The following AKIP1 variants were observed in gnomAD, a reference collection of about 807,000 sequenced individuals.
AKIP1 encodes the protein A-kinase-interacting protein 1.
AKIP1 carries 18 observed loss-of-function variants against 22.3 expected under a neutral mutation model. The observed-to-expected ratio is 0.81, with a 90% CI of 0.56 to 1.19. The LOEUF (loss-of-function observed/expected upper bound fraction) is 1.19. AKIP1 is among the 50% of genes most tolerant of loss of function. AKIP1 has a pLI of 0.00. For missense variants in AKIP1, 287 were observed against 264.6 expected (o/e 1.08, Z -0.59); for synonymous variants, 120 against 102.7 (o/e 1.17, Z -1.02).
At position 8,911,537 on chromosome 11, in the gene AKIP1, G is replaced by A; in HGVS notation, c.88G>A (p.Glu30Lys). The A allele has an allele frequency of 6.2e-7, 1 of 1,610,910 alleles. No individual in the cohort carries two copies. Among genetic ancestry groups the A allele is most frequent in the African/African-American group, 1.3e-5 (1 of 75,046 alleles). ...AGCAAGGCTGGCTCTAGAAGTGCTG[G>A]AGAGGGCCAAGAGGAGGGCGGTGGA... is the stretch of plus-strand genomic sequence containing the variant. ...RSARLALEVL[E>K]RAKRRAVDWH... The change falls in exon 2 of 6, where the codon GAG becomes AAG. Residue 30 changes from glutamate (E) to lysine (K), a missense_variant. By Grantham distance (56) the Glu-to-Lys change is moderately conservative. Coordinates refer to ENST00000309377, the MANE Select transcript of AKIP1 (RefSeq NM_020642.4).
intron 4 of AKIP1, among the ~76,000 whole-genome samples, chr11:8,915,345 G>A (rs1192269718): frequency 1.1e-5 from 1 of 91,902 alleles, no homozygotes; most frequent in Non-Finnish European, 2.4e-5. Context: ...TCTAGGGATA[G>A]GATTTTTTTT....
At chr11:8,915,358 CTTTTT>C (rs559350653) in intron 4 of AKIP1, among the ~76,000 whole-genome samples, 1 of 83,982 alleles carries the variant, frequency 1.2e-5, no homozygotes, top group African/African-American at 4.5e-5. Context: ...TTTTTTTTTT[CTTTTT>C]TTTTTTTTTT....
At chr11:8,911,729 G>A in intron 2 of AKIP1, 58 bp downstream of exon 2, 1 of 1,439,050 alleles carries the variant, frequency 6.9e-7, no homozygotes, top group Non-Finnish European at 9.2e-7. Flanking sequence ...AGCCCGCTGG[G>A]AGCCAGGGGT....
rs1208129294 is a variant in AKIP1, at chr11:8,919,355, G to A, written c.508G>A (p.Asp170Asn). ...CTTCTAGGCTGAGAACATCTCTAAG[G>A]ACCTCTACATAGAAGTATATCCAGG... ...ASQPAENISK[D>N]LYIEVYPGTY... is the part of the protein sequence containing the mutation. The change falls in exon 6 of 6, where the codon GAC becomes AAC. Residue 170 changes from aspartate to asparagine, a missense_variant. Physicochemically the swap from Asp to Asn is conservative, Grantham distance 23. Transcript: ENST00000309377. 1.9e-6 allele frequency: 3 copies of A among 1,613,656 alleles called. No individual in the cohort carries two copies. The highest frequency in any genetic ancestry group is 1.7e-5 in the Admixed American group (1 of 59,896).
chr11:8,911,397 G>A (rs1252020968), intron 1 of AKIP1, 47 bp from the exon 2 acceptor site: 2 of 1,498,082 alleles, frequency 1.3e-6, no homozygotes, highest in Admixed American at 2.1e-5. Flanking sequence ...CAGGGTCGCC[G>A]CGGCCCAGCT....
chr11:8,919,065 T>C lies in AKIP1; in HGVS notation c.490-272T>C, dbSNP rs148234199. ...AAGTAGAGTGTTCTTTTTATAATCCTTCATGTTCATATAACACTTTAGCAT... is the reference window on the plus strand; with the variant it reads ...AAGTAGAGTGTTCTTTTTATAATCCCTCATGTTCATATAACACTTTAGCAT... On this transcript the variant is annotated intron_variant, in intron 5 of 5. Coordinates refer to ENST00000309377, the MANE Select transcript of AKIP1 (RefSeq NM_020642.4). Among the ~76,000 whole-genome samples the C allele has an allele frequency of 2.2e-3, 335 of 152,346 alleles. 1 individual carries two copies. Among genetic ancestry groups the C allele is most frequent in the African/African-American group, 7.6e-3 (317 of 41,572 alleles).
In AKIP1 at chr11:8,913,421, C is replaced by T. The variant is rs554360877; in HGVS notation, c.303+888C>T. 5.9e-5 allele frequency among the ~76,000 whole-genome samples: 9 copies of T among 152,176 alleles called. 1 individual carries two copies. Among genetic ancestry groups the T allele is most frequent in the African/African-American group, 1.9e-4 (8 of 41,524 alleles). ...CAGGCTGCTCTGGAACGCCTGACCT[C>T]GAGGGATCCGCGCATCTTGGCCTCC... On this transcript the variant is annotated intron_variant, in intron 3 of 5. Transcript: ENST00000309377.
intron 5 of AKIP1, 62 bp downstream of exon 5, chr11:8,917,429 A>T: frequency 1.6e-6 from 2 of 1,273,158 alleles, no homozygotes; most frequent in Non-Finnish European, 2.3e-6. Flanking sequence ...GAACCAGTTG[A>T]CATGGTTCTT....
intron 4 of AKIP1, among the ~76,000 whole-genome samples, chr11:8,916,110 G>A (rs2064482128): frequency 6.6e-6 from 1 of 151,802 alleles, no homozygotes; most frequent in Non-Finnish European, 1.5e-5. Flanking sequence ...GTAACCCACC[G>A]CGCCTGACCC....
intron 3 of AKIP1, among the ~76,000 whole-genome samples, chr11:8,913,091 G>C (rs142338965): frequency 5.4e-5 from 8 of 147,324 alleles, no homozygotes; most frequent in African/African-American, 5.2e-5. Flanking sequence ...GTGTTACCCA[G>C]GATGGTCTCC....
intron 4 of AKIP1, among the ~76,000 whole-genome samples, chr11:8,915,355 TTTC>T (rs753530769): frequency 1.1e-4 from 13 of 122,386 alleles, no homozygotes; most frequent in East Asian, 2.5e-4. Context: ...GGATTTTTTT[TTTC>T]TTTTTTTTTT....
At chr11:8,916,699 G>A (rs1326130760) in intron 4 of AKIP1, among the ~76,000 whole-genome samples, 2 of 152,186 alleles carry the variant, frequency 1.3e-5, no homozygotes, top group East Asian at 3.9e-4. Context: ...GGCCTGGGAG[G>A]TGAGTAGTGG....
At position 8,911,473 on chromosome 11, in the gene AKIP1, A is replaced by G. The variant is rs1266059656; in HGVS notation, c.24A>G (p.Ala8=). The change falls in exon 2 of 6, where the codon GCA becomes GCG. Residue 8 remains alanine (A), a synonymous_variant. Transcript: ENST00000309377. MDNCLAA[A]ALNGVDRRSL... is the part of the protein sequence containing the mutation. Reference sequence around the variant, plus strand: ...CCATGGACAACTGTTTGGCGGCCGCAGCGCTGAATGGGGTGGACCGACGTT... The same window carrying G: ...CCATGGACAACTGTTTGGCGGCCGCGGCGCTGAATGGGGTGGACCGACGTT... 1 of 1,602,878 alleles carries G rather than the reference A, an allele frequency of 6.2e-7. No individual in the cohort carries two copies. The highest frequency in any genetic ancestry group is 8.5e-7 in the Non-Finnish European group (1 of 1,175,180).
Position 8,919,591 on chromosome 11 carries a change from C to A in AKIP1, c.*111C>A. 7.9e-7 allele frequency: 1 copy of A among 1,260,268 alleles called. No homozygotes were observed. The highest frequency in any genetic ancestry group is 1.1e-6 in the Non-Finnish European group (1 of 904,896). The allele number at this position is 1,260,268 out of a possible 1,614,324, so 78.1% of individuals were successfully genotyped here. On this transcript the variant is annotated 3_prime_UTR_variant, in exon 6 of 6. Coordinates refer to ENST00000309377, the MANE Select transcript of AKIP1 (RefSeq NM_020642.4). ...ATCCTGTTTTTAGTGCTGACTGGGT[C>A]AGCCTTCCGGGAACTGGAGTCTGTC...
Position 8,919,506 on chromosome 11 carries a change from AC to A in AKIP1, c.*28del. ...TGTTGACCATCACTGCCATCACATC[AC>A]CTTTTTTTAAGTAGTAAGAATAAAG... On this transcript the variant is annotated 3_prime_UTR_variant, in exon 6 of 6. Coordinates refer to ENST00000309377, the MANE Select transcript of AKIP1 (RefSeq NM_020642.4). 1 of 1,608,128 alleles carries A rather than the reference AC, an allele frequency of 6.2e-7. No individual in the cohort carries two copies. The highest frequency in any genetic ancestry group is 8.5e-7 in the Non-Finnish European group (1 of 1,177,858).
At position 8,914,947 on chromosome 11, in the gene AKIP1, G is replaced by A. The variant is rs1244405974; in HGVS notation, c.408+17G>A. 5.0e-5 allele frequency: 80 copies of A among 1,586,322 alleles called. No individual in the cohort carries two copies. Among genetic ancestry groups the A allele is most frequent in the Non-Finnish European group, 6.4e-5 (74 of 1,157,432 alleles). Reference sequence around the variant, plus strand: ...AATGGTCAGGTAAGTGTACTCAACTGTCCTGCACCATGCCTTCAGTCTACC... The same window carrying A: ...AATGGTCAGGTAAGTGTACTCAACTATCCTGCACCATGCCTTCAGTCTACC... On this transcript the variant is annotated intron_variant, in intron 4 of 5. Coordinates refer to ENST00000309377, the MANE Select transcript of AKIP1 (RefSeq NM_020642.4).
chr11:8,917,622 A>G, intron 5 of AKIP1: 2 of 525,306 alleles, frequency 3.8e-6, no homozygotes, highest in Non-Finnish European at 6.8e-6. Context: ...AATGTGAAGT[A>G]TTCACCTCTC....
intron 5 of AKIP1, 38 bp downstream of exon 5, chr11:8,917,405 C>T (rs770263640): frequency 1.2e-5 from 17 of 1,470,536 alleles, no homozygotes; most frequent in East Asian, 1.1e-4. Flanking sequence ...GTTTCACCAC[C>T]GTTGCAACTC....
In AKIP1 at chr11:8,911,503, G is replaced by T. The variant is rs749350396; in HGVS notation, c.54G>T (p.Leu18=). 2 of 1,608,750 alleles carry T rather than the reference G, an allele frequency of 1.2e-6. No individual in the cohort carries two copies. The highest frequency in any genetic ancestry group is 1.7e-6 in the Non-Finnish European group (2 of 1,177,930). Residue 18 remains leucine, a synonymous_variant, in exon 2 of 6, where the codon CTG becomes CTT. Transcript: ENST00000309377. ...AALNGVDRRS[L]QRSARLALEV... ...TGAATGGGGTGGACCGACGTTCCCT[G>T]CAGCGTTCAGCAAGGCTGGCTCTAG... is the stretch of plus-strand genomic sequence containing the variant.
Sources: allele counts gnomAD v4.1 joint callset (sites outside exome capture counted in the v4.1 genomes callset), GRCh38; gene constraint gnomAD v4.1.1; transcripts MANE v1.5; gene names NCBI Gene and HGNC (gene_info 2026-07-23, HGNC 2026-07-21).